TMEM232: variants seen among roughly 807,000 people sequenced by gnomAD.
TMEM232 encodes the protein transmembrane protein 232.
In TMEM232, 80 loss-of-function variants were observed where a neutral mutation model predicts 78.8. That is an observed-to-expected ratio of 1.01 (90% CI 0.85 to 1.22). The LOEUF is 1.22. Ranked by LOEUF, TMEM232 falls within the 50% of genes most tolerant of loss-of-function variation. TMEM232 has a pLI of 0.00. For missense variants in TMEM232, 881 were observed against 742.2 expected, an observed-to-expected ratio of 1.19 and a Z score of -2.17; for synonymous variants, 297 against 254.3, an observed-to-expected ratio of 1.17 and a Z score of -1.60.
At chr5:110,731,525 A>G (rs1244235647), upstream of TMEM232, among the ~76,000 whole-genome samples, 1 of 152,250 alleles carries the variant, frequency 6.6e-6, no homozygotes, top group Non-Finnish European at 1.5e-5. Context: ...AGAGGTTGCC[A>G]AACCTCAATT....
At chr5:110,694,821 A>T (rs948812666) in intron 1 of TMEM232, among the ~76,000 whole-genome samples, 2 of 152,168 alleles carry the variant, frequency 1.3e-5, no homozygotes, top group African/African-American at 4.8e-5. Flanking sequence ...AGTGACCTAC[A>T]AAGAGACTTA....
chr5:110,539,231 C>A (rs549552976), intron 11 of TMEM232, among the ~76,000 whole-genome samples: 1 of 152,234 alleles, frequency 6.6e-6, no homozygotes, highest in South Asian at 2.1e-4. Flanking sequence ...AAAAACAATA[C>A]CTAATTAAGC....
chr5:110,673,470 A>G (rs1173788418), intron 1 of TMEM232, among the ~76,000 whole-genome samples: 3 of 152,128 alleles, frequency 2.0e-5, no homozygotes, highest in Non-Finnish European at 4.4e-5. Flanking sequence ...AAAAAGGTAG[A>G]GTTAAATAGA....
At chr5:110,589,064 G>A (rs1357847435) in intron 10 of TMEM232, among the ~76,000 whole-genome samples, 1 of 151,910 alleles carries the variant, frequency 6.6e-6, no homozygotes, top group Non-Finnish European at 1.5e-5. Context: ...ATAGGAAGAC[G>A]GCATTTCAAA....
chr5:110,669,557 G>T (rs1791086070), intron 1 of TMEM232, among the ~76,000 whole-genome samples: 1 of 152,172 alleles, frequency 6.6e-6, no homozygotes, highest in Admixed American at 6.5e-5. Context: ...GAGGTACAAG[G>T]CGGAACTAGT....
intron 1 of TMEM232, among the ~76,000 whole-genome samples, chr5:110,713,231 T>C (rs1005655473): frequency 6.6e-6 from 1 of 152,040 alleles, no homozygotes; most frequent in Non-Finnish European, 1.5e-5. Flanking sequence ...AGTACAAGGA[T>C]TGTTAGTACA....
chr5:110,424,774 T>C, intron 13 of TMEM232, 49 bp downstream of exon 13: 1 of 1,393,160 alleles, frequency 7.2e-7, no homozygotes, highest in Non-Finnish European at 9.9e-7. Context: ...TTTAAAGTGC[T>C]TTTAAGGAAC....
At chr5:110,402,005 T>C (rs566508358) in intron 2 of TMEM232, among the ~76,000 whole-genome samples, 1 of 152,174 alleles carries the variant, frequency 6.6e-6, no homozygotes, top group African/African-American at 2.4e-5. Context: ...GCACTGGTGT[T>C]TTCCTTAGTG....
chr5:110,472,530 C>G lies in TMEM232; in HGVS notation c.1704-47614G>C, dbSNP rs980545934. ...TATCAAAATACCAATGAATTCTTTACAGAAATAGAAAAAATAGGGATCCTA... is the reference window on the plus strand; with the variant it reads ...TATCAAAATACCAATGAATTCTTTAGAGAAATAGAAAAAATAGGGATCCTA... On this transcript the variant is annotated intron_variant, in intron 12 of 13. Transcript: ENST00000455884. Among the ~76,000 whole-genome samples, 4 of 151,758 alleles carry G rather than the reference C, an allele frequency of 2.6e-5. No homozygotes were observed. The East Asian group carries it at 7.7e-4, about 29-fold the overall frequency.
chr5:110,641,205 T>C (rs887401518), intron 3 of TMEM232, among the ~76,000 whole-genome samples: 8 of 152,170 alleles, frequency 5.3e-5, no homozygotes, highest in African/African-American at 1.7e-4. Context: ...TGTAAAAAAG[T>C]TGATATTACA....
intron 7 of TMEM232, among the ~76,000 whole-genome samples, chr5:110,622,895 TGAC>T (rs1400985913): frequency 2.0e-5 from 3 of 151,652 alleles, no homozygotes; most frequent in Non-Finnish European, 4.4e-5. Context: ...TAATGCTAGA[TGAC>T]GAGTTAGTGG....
At chr5:110,737,458 C>T (rs544483489) in intron 1 of TMEM232, among the ~76,000 whole-genome samples, 1 of 152,166 alleles carries the variant, frequency 6.6e-6, no homozygotes, top group South Asian at 2.1e-4. Flanking sequence ...ATACATAGTG[C>T]CAAACTGCTC....
At chr5:110,672,628 C>T (rs1183439082) in intron 1 of TMEM232, among the ~76,000 whole-genome samples, 1 of 151,800 alleles carries the variant, frequency 6.6e-6, no homozygotes, top group Non-Finnish European at 1.5e-5. Flanking sequence ...GAATTAAATC[C>T]CCAATAAAGT....
intron 12 of TMEM232, among the ~76,000 whole-genome samples, chr5:110,523,475 T>A (rs6594457): frequency 3.3e-5 from 5 of 152,060 alleles, no homozygotes; most frequent in African/African-American, 1.2e-4. Context: ...AAATTTAGGT[T>A]GTTTATTTGA....
rs1772728841 is a variant in TMEM232 at position 110,538,779 on chromosome 5, G to C, written c.1456-9944C>G. On this transcript the variant is annotated intron_variant, in intron 11 of 13. Transcript: ENST00000455884. Reference sequence around the variant, plus strand: ...TTGTAATTACTACTGAGGAGCCCCAGGTAATTCTGGATGTCATGGGTACCC... The same window carrying C: ...TTGTAATTACTACTGAGGAGCCCCACGTAATTCTGGATGTCATGGGTACCC... 5.9e-5 allele frequency among the ~76,000 whole-genome samples: 9 copies of C among 151,652 alleles called. No homozygotes were observed. The South Asian group carries it at 1.9e-3, about 32-fold the overall frequency.
upstream of TMEM232, chr5:110,738,900 GT>G: frequency 4.0e-6 from 5 of 1,257,752 alleles, no homozygotes; most frequent in Non-Finnish European, 5.3e-6. Context: ...TAAGGTCCAG[GT>G]TACCGCCGCG....
chr5:110,738,896 C>G (rs1799500753), upstream of TMEM232: 1 of 1,202,924 alleles, frequency 8.3e-7, no homozygotes, highest in Non-Finnish European at 1.1e-6. Flanking sequence ...CTTTTAAGGT[C>G]CAGGTTACCG....
chr5:110,475,455 T>TTTTG (rs2149384128), intron 12 of TMEM232, among the ~76,000 whole-genome samples: 1 of 149,166 alleles, frequency 6.7e-6, no homozygotes, highest in African/African-American at 2.4e-5. Flanking sequence ...ATTTTTTTTT[T>TTTTG]TTTTTTTTTT....
At chr5:110,575,805 A>G (rs1399546853) in intron 10 of TMEM232, among the ~76,000 whole-genome samples, 1 of 151,986 alleles carries the variant, frequency 6.6e-6, no homozygotes, top group African/African-American at 2.4e-5. Flanking sequence ...TCAGGTCAGG[A>G]GATACATCAT....
Sources: allele counts gnomAD v4.1 joint callset (sites outside exome capture counted in the v4.1 genomes callset), GRCh38; gene constraint gnomAD v4.1.1; transcripts MANE v1.5; gene names NCBI Gene and HGNC (gene_info 2026-07-23, HGNC 2026-07-21).